Variants in NOSIP observed in about 807,000 individuals in gnomAD.
NOSIP encodes nitric oxide synthase interacting protein, also known as nitric oxide synthase-interacting protein.
A neutral mutation model predicts 36.4 loss-of-function variants in NOSIP; 25 were observed. The ratio of observed to expected loss-of-function variants is 0.69; its 90% confidence interval spans 0.50 to 0.96. NOSIP has a LOEUF of 0.96. Among genes scored for constraint, NOSIP ranks in the 40% least tolerant of loss-of-function variants. NOSIP has a pLI of 0.00. For synonymous variants in NOSIP, 187 were observed against 179.2 expected, an observed-to-expected ratio of 1.04 and a Z score of -0.35; for missense variants, 370 against 429.0, an observed-to-expected ratio of 0.86 and a Z score of 1.21.
rs2080325717 is a variant in NOSIP at position 49,560,931 on chromosome 19, T to C, written c.-1-239A>G. ...ATAGCACCTTTAACAACAAAACTCT[T>C]TGTTTGGAGGTAAGAGGGTGAGAGA... On this transcript the variant is annotated intron_variant, in intron 1 of 8. Coordinates refer to ENST00000596358, the MANE Select transcript of NOSIP (RefSeq NM_001270960.2). The surrounding 1 kb of genome is among the most constrained non-coding windows in gnomAD (Gnocchi z 4.6). Among the ~76,000 whole-genome samples, 1 of 152,018 alleles carries C rather than the reference T, an allele frequency of 6.6e-6. No individual in the cohort carries two copies. The highest frequency in any genetic ancestry group is 1.5e-5 in the Non-Finnish European group (1 of 68,002).
At chr19:49,572,406 C>CTT (rs35209614) in intron 1 of NOSIP, among the ~76,000 whole-genome samples, 3,303 of 97,862 alleles carry the variant, frequency 0.034, 124 homozygotes, top group South Asian at 0.057. Flanking sequence ...TGCACCCAGC[C>CTT]TTTTTTTTTT....
At chr19:49,563,705 G>T (rs1212392631) in intron 1 of NOSIP, among the ~76,000 whole-genome samples, 1 of 150,950 alleles carries the variant, frequency 6.6e-6, no homozygotes, top group African/African-American at 2.4e-5. Flanking sequence ...ATATTGGCTA[G>T]GCTGGCCTTG....
Position 49,555,572 on chromosome 19 carries a change from A to T in NOSIP, c.*179T>A. The T allele has an allele frequency of 1.8e-6, 1 of 558,096 alleles. No individual in the cohort carries two copies. The highest frequency in any genetic ancestry group is 3.3e-6 in the Non-Finnish European group (1 of 306,506). The allele number at this position is 558,096 out of a possible 1,614,324, so 34.6% of individuals were successfully genotyped here. ...CCGTGCCTGGCCAGATTTTGTTCTT[A>T]ATGTGAGACCACATTCAATATGCTT... On this transcript the variant is annotated 3_prime_UTR_variant, in exon 9 of 9. Coordinates refer to ENST00000596358, the MANE Select transcript of NOSIP (RefSeq NM_001270960.2).
At chr19:49,571,678 TCA>T (rs987429549) in intron 1 of NOSIP, among the ~76,000 whole-genome samples, 1 of 151,948 alleles carries the variant, frequency 6.6e-6, no homozygotes, top group Non-Finnish European at 1.5e-5. Context: ...CCTAGGAAAG[TCA>T]CAATCTCAGA....
At chr19:49,577,547 GAAA>G (rs963323693) in intron 1 of NOSIP, among the ~76,000 whole-genome samples, 4 of 144,840 alleles carry the variant, frequency 2.8e-5, no homozygotes, top group Non-Finnish European at 6.1e-5. Context: ...CTCAAAAAAA[GAAA>G]AAAAAAGAAA....
intron 1 of NOSIP, among the ~76,000 whole-genome samples, chr19:49,579,793 C>T (rs2080601281): frequency 1.3e-5 from 2 of 152,108 alleles, no homozygotes; most frequent in Admixed American, 6.6e-5. Context: ...TAAAAAAATA[C>T]AGCAAGTATG....
intron 1 of NOSIP, among the ~76,000 whole-genome samples, chr19:49,578,803 T>C (rs1358648120): frequency 1.3e-5 from 2 of 151,954 alleles, no homozygotes; most frequent in African/African-American, 4.8e-5. Context: ...CCTGCCATCA[T>C]GCCCGGCTAA....
At chr19:49,559,347 T>G (rs2080299730) in intron 3 of NOSIP, 4 of 198,084 alleles carry the variant, frequency 2.0e-5, no homozygotes, top group Admixed American at 1.6e-4. Flanking sequence ...TGAGCTCCCC[T>G]CTCTACAAAA....
At position 49,563,742 on chromosome 19, in the gene NOSIP, G is replaced by T. The variant is rs556742907; in HGVS notation, c.-1-3050C>A. 9.7e-4 allele frequency among the ~76,000 whole-genome samples: 145 copies of T among 149,964 alleles called. 1 individual carries two copies. Among genetic ancestry groups the T allele is most frequent in the Non-Finnish European group, 1.8e-3 (123 of 67,420 alleles). ...ACTCCTGACCTCAGGTGATCCACCC[G>T]CCTCGGCCTCCCAAAGTGCTGGGAT... On this transcript the variant is annotated intron_variant, in intron 1 of 8. Coordinates refer to ENST00000596358, the MANE Select transcript of NOSIP (RefSeq NM_001270960.2).
chr19:49,565,600 A>C (rs1345595811), intron 1 of NOSIP, among the ~76,000 whole-genome samples: 2 of 151,792 alleles, frequency 1.3e-5, no homozygotes, highest in East Asian at 3.9e-4. Flanking sequence ...AAATATATAT[A>C]TATAAAAATT....
intron 1 of NOSIP, among the ~76,000 whole-genome samples, chr19:49,568,538 T>G (rs2080440517): frequency 6.6e-6 from 1 of 152,134 alleles, no homozygotes; most frequent in Non-Finnish European, 1.5e-5. Context: ...TTCCCTGATA[T>G]ATCAACTGCA....
chr19:49,575,991 C>T (rs570542313), intron 1 of NOSIP, among the ~76,000 whole-genome samples: 7 of 152,028 alleles, frequency 4.6e-5, no homozygotes, highest in African/African-American at 1.4e-4. Context: ...CAAAATTAGC[C>T]GGGCGTGGTG....
chr19:49,573,857 A>ATTT (rs560191336), intron 1 of NOSIP, among the ~76,000 whole-genome samples: 3 of 129,436 alleles, frequency 2.3e-5, no homozygotes, highest in African/African-American at 2.9e-5. Flanking sequence ...GGACTGAAGT[A>ATTT]TTTTTTTTTT....
intron 4 of NOSIP, 189 bp downstream of exon 4, chr19:49,558,708 A>G: frequency 4.6e-6 from 3 of 654,676 alleles, no homozygotes; most frequent in Middle Eastern, 4.3e-4. Context: ...GATCCTGGGG[A>G]CTGGCAGGAG....
intron 1 of NOSIP, among the ~76,000 whole-genome samples, chr19:49,577,939 T>A (rs1267761415): frequency 6.6e-6 from 1 of 151,996 alleles, no homozygotes; most frequent in Non-Finnish European, 1.5e-5. Flanking sequence ...TGCCAAAGAC[T>A]GGGGTGGGAA....
intron 4 of NOSIP, chr19:49,558,305 G>A (rs1217122605): frequency 2.0e-5 from 3 of 147,916 alleles, no homozygotes; most frequent in Non-Finnish European, 4.4e-5. Context: ...CTGAAGTGCA[G>A]CGGTGCCATC....
rs2080313943 is a variant in NOSIP, at chr19:49,560,223, C to T, written c.71-184G>A. On this transcript the variant is annotated intron_variant, in intron 2 of 8. Transcript: ENST00000596358. This position sits in a 1 kb window ranked among gnomAD's most constrained non-coding sequence, Gnocchi z 4.6. ...ACGGGCTGAACCCACAGGGAGTTGT[C>T]AACCCTGGAGGGTGAGAGGCAGACA... 3 of 595,588 alleles carry T rather than the reference C, an allele frequency of 5.0e-6. No individual in the cohort carries two copies. Among genetic ancestry groups the T allele is most frequent in the Non-Finnish European group, 9.0e-6 (3 of 333,698 alleles). 36.9% of individuals were successfully genotyped at this position (595,588 alleles called of 1,614,324 possible).
Position 49,559,948 on chromosome 19 carries a change from G to A in NOSIP, c.162C>T (p.His54=), listed in dbSNP as rs746303854. ...TCCCAGCTCACGTGACAACAGGATC[G>A]TGGCAAGGCTGCAGGGAGAGACAAC... ...DCCCLSLQPC[H]DPVVTPDGYL... The change falls in exon 3 of 9, where the codon CAC becomes CAT. Residue 54 remains histidine (H), a synonymous_variant. Coordinates refer to ENST00000596358, the MANE Select transcript of NOSIP (RefSeq NM_001270960.2). The A allele has an allele frequency of 1.2e-5, 19 of 1,612,772 alleles. No homozygotes were observed. The Middle Eastern group carries it at 4.9e-4, about 42-fold the overall frequency.
chr19:49,557,510 G>C, intron 4 of NOSIP: 1 of 1,300,450 alleles, frequency 7.7e-7, no homozygotes, highest in Non-Finnish European at 9.9e-7. Context: ...TTCTTCATCT[G>C]TAAAACAGCC....
Sources: allele counts gnomAD v4.1 joint callset (sites outside exome capture counted in the v4.1 genomes callset), GRCh38; gene constraint gnomAD v4.1.1; non-coding constraint Gnocchi (gnomAD v3.1); transcripts MANE v1.5; gene names NCBI Gene and HGNC (gene_info 2026-07-23, HGNC 2026-07-21).